AP1G1: variants seen among roughly 807,000 people sequenced by gnomAD.
AP1G1 encodes the protein adaptor related protein complex 1 subunit gamma 1.
AP1G1 carries 7 observed loss-of-function variants against 108.3 expected under a neutral mutation model. The observed-to-expected ratio is 0.06, with a 90% confidence interval of 0.04 to 0.12. The LOEUF (loss-of-function observed/expected upper bound fraction) is 0.12, where lower values mean the gene tolerates loss of function less well. AP1G1 is among the 10% of genes least tolerant of loss of function. The pLI is 1.00. For missense variants in AP1G1, 756 were observed against 1,010.7 expected (o/e 0.75, Z 3.42); for synonymous variants, 379 against 353.5 (o/e 1.07, Z -0.81).
chr16:71,805,183 C>T (rs1235735239), intron 1 of AP1G1, among the ~76,000 whole-genome samples: 1 of 152,192 alleles, frequency 6.6e-6, no homozygotes, highest in Non-Finnish European at 1.5e-5. Flanking sequence ...AGTGGCTCCT[C>T]CTGCCTGTAA....
intron 2 of AP1G1, among the ~76,000 whole-genome samples, chr16:71,779,406 C>T (rs1048256232): frequency 6.6e-6 from 1 of 151,988 alleles, no homozygotes; most frequent in Admixed American, 6.6e-5. Flanking sequence ...GGTGCTATCT[C>T]GGCTCAACAC....
At chr16:71,746,209 A>G (rs2030170139) in intron 17 of AP1G1, among the ~76,000 whole-genome samples, 1 of 152,142 alleles carries the variant, frequency 6.6e-6, no homozygotes, top group African/African-American at 2.4e-5. Context: ...ACGGGGTTTC[A>G]CCATGTTGGC....
intron 9 of AP1G1, 131 bp from the exon 10 acceptor site, chr16:71,761,698 G>A (rs920292649): frequency 1.8e-5 from 12 of 671,338 alleles, no homozygotes; most frequent in Middle Eastern, 3.7e-4. Flanking sequence ...AGCTGGGTGC[G>A]GTGGCTCACG....
intron 21 of AP1G1, 70 bp downstream of exon 21, chr16:71,738,872 C>G: frequency 1.4e-6 from 2 of 1,386,566 alleles, no homozygotes; most frequent in Non-Finnish European, 2.0e-6. Context: ...TATCCTTTAC[C>G]AAACACATGA....
chr16:71,746,050 G>T (rs28663433), intron 17 of AP1G1, among the ~76,000 whole-genome samples: 1 of 151,244 alleles, frequency 6.6e-6, no homozygotes, highest in South Asian at 2.1e-4. Flanking sequence ...TTGCTCTGTC[G>T]CCAGGCTGGA....
intron 19 of AP1G1, among the ~76,000 whole-genome samples, chr16:71,739,746 C>CAA (rs751174235): frequency 7.7e-5 from 4 of 51,854 alleles, no homozygotes; most frequent in African/African-American, 1.5e-4. Context: ...GACTCTGTCG[C>CAA]AAAAAAAAAA....
At chr16:71,800,200 TAA>T (rs1231534802) in intron 1 of AP1G1, among the ~76,000 whole-genome samples, 1 of 125,006 alleles carries the variant, frequency 8.0e-6, no homozygotes. Flanking sequence ...CTGTCTCTAC[TAA>T]AAAAAAAAAT....
intron 19 of AP1G1, among the ~76,000 whole-genome samples, chr16:71,740,886 C>T (rs377185054): frequency 6.6e-6 from 1 of 152,144 alleles, no homozygotes; most frequent in African/African-American, 2.4e-5. Flanking sequence ...TAGATCAAAA[C>T]ATTCATTAAA....
At chr16:71,793,220 T>A (rs1010050268) in intron 1 of AP1G1, among the ~76,000 whole-genome samples, 1 of 152,122 alleles carries the variant, frequency 6.6e-6, no homozygotes, top group African/African-American at 2.4e-5. Flanking sequence ...AACTCCAACC[T>A]TTTTTTAAAA....
At chr16:71,765,786 T>A (rs2031288113) in intron 6 of AP1G1, 1 of 497,052 alleles carries the variant, frequency 2.0e-6, no homozygotes, top group African/African-American at 2.0e-5. Context: ...GTATTTTATC[T>A]GGATAAAACC....
At chr16:71,804,668 A>G (rs1597096274) in intron 1 of AP1G1, among the ~76,000 whole-genome samples, 1 of 152,138 alleles carries the variant, frequency 6.6e-6, no homozygotes, top group Non-Finnish European at 1.5e-5. Context: ...TCGGCCTCCC[A>G]AAGTGCTGGG....
At chr16:71,807,751 C>T (rs1488328739) in intron 1 of AP1G1, 14 of 1,206,680 alleles carry the variant, frequency 1.2e-5, no homozygotes, top group Admixed American at 2.3e-5. Flanking sequence ...TAACTCCTCC[C>T]TTCTGTTAAC....
intron 6 of AP1G1, among the ~76,000 whole-genome samples, chr16:71,767,678 G>A (rs1425054619): frequency 2.6e-5 from 4 of 152,190 alleles, no homozygotes; most frequent in African/African-American, 7.2e-5. Flanking sequence ...ATCCAAGGCT[G>A]ACTTTGGAGT....
chr16:71,759,395 C>A (rs572186334), intron 10 of AP1G1, among the ~76,000 whole-genome samples: 34 of 151,784 alleles, frequency 2.2e-4, no homozygotes, highest in Non-Finnish European at 4.9e-4. Flanking sequence ...TGGGAGGCTG[C>A]GGTTGCAGTG....
rs540419228 is a variant in AP1G1, at chr16:71,791,243, A to C, written c.-3-1761T>G. 2.0e-5 allele frequency among the ~76,000 whole-genome samples: 3 copies of C among 152,052 alleles called. No individual in the cohort carries two copies. In the East Asian group the frequency reaches 5.8e-4, roughly 29 times the overall value. The stretch of plus-strand genomic sequence containing the variant: ...AAAAAAACAAAAAAAAAAAACAAAA[A>C]AAACAAAAACAAAAAATCCTCACAG... On this transcript the variant is annotated intron_variant, in intron 1 of 22. Coordinates refer to ENST00000299980, the MANE Select transcript of AP1G1 (RefSeq NM_001128.6).
intron 19 of AP1G1, among the ~76,000 whole-genome samples, chr16:71,740,638 GTTTAGCAAAAA>G (rs1256374508): frequency 1.3e-5 from 2 of 152,054 alleles, no homozygotes; most frequent in Non-Finnish European, 2.9e-5. Flanking sequence ...CAATTACAAT[GTTTAGCAAAAA>G]AAGGTGCAAA....
intron 1 of AP1G1, among the ~76,000 whole-genome samples, chr16:71,805,013 T>C (rs1285364298): frequency 2.0e-5 from 3 of 149,564 alleles, no homozygotes; most frequent in African/African-American, 7.4e-5. Flanking sequence ...CCTGTCTCAA[T>C]CAATCAATCA....
At position 71,748,325 on chromosome 16, in the gene AP1G1, C is replaced by T. The variant is rs754908632; in HGVS notation, c.1551G>A (p.Met517Ile). The change falls in exon 16 of 23, where the codon ATG becomes ATA. Residue 517 changes from methionine (M) to isoleucine (I), a missense_variant. Met to Ile is a conservative substitution (Grantham distance 10). This residue lies in a region of AP1G1 where 357 missense variants were observed against 366.5 expected (regional missense o/e 0.97). Transcript: ENST00000299980. ...DILESVLISN[M>I]STSVTRGYAL... The stretch of plus-strand genomic sequence containing the variant: ...CATAACCTCGTGTCACAGAGGTGGA[C>T]ATATTAGAGATTAGGACACTTTCTA... The T allele has an allele frequency of 6.2e-7, 1 of 1,613,188 alleles. No homozygotes were observed. Among genetic ancestry groups the T allele is most frequent in the Non-Finnish European group, 8.5e-7 (1 of 1,179,348 alleles).
chr16:71,773,805 T>C lies in AP1G1; in HGVS notation c.327-443A>G, dbSNP rs1019503899. Among the ~76,000 whole-genome samples the C allele has an allele frequency of 2.8e-4, 42 of 149,366 alleles. 1 individual carries two copies. Among genetic ancestry groups the C allele is most frequent in the African/African-American group, 8.8e-4 (36 of 40,952 alleles). The stretch of plus-strand genomic sequence containing the variant: ...TAAAACTGTAAAAATTGGCCGAGCG[T>C]GGTGGCGGGCGCCTATAATCCCAGC... On this transcript the variant is annotated intron_variant, in intron 3 of 22. Transcript: ENST00000299980.
Sources: gnomAD v4.1 joint callset for allele counts (sites outside exome capture counted in the v4.1 genomes callset) on GRCh38, gnomAD v4.1.1 for gene constraint, gnomAD v4.1.1 regional missense constraint, MANE v1.5 for transcripts, NCBI Gene and HGNC (gene_info 2026-07-23, HGNC 2026-07-21) for gene names.